AATK: variants seen among roughly 807,000 people sequenced by gnomAD.
AATK encodes the protein lemur tail kinase 1.
In AATK, 91 loss-of-function variants were observed where a neutral mutation model predicts 114.3. That is an observed-to-expected ratio of 0.80 (90% CI 0.67 to 0.95). The LOEUF (loss-of-function observed/expected upper bound fraction) is 0.95. Ranked by LOEUF, AATK falls within the 40% of genes least tolerant of loss-of-function variation. AATK has a pLI of 0.00. For missense variants in AATK, 2,176 were observed against 1,965.2 expected (o/e 1.11, Z -2.03); for synonymous variants, 1,075 against 916.5 (o/e 1.17, Z -3.12).
At chr17:81,133,744 G>A (rs182019675) in intron 2 of AATK, among the ~76,000 whole-genome samples, 5 of 152,292 alleles carry the variant, frequency 3.3e-5, no homozygotes, top group Admixed American at 3.3e-4. Context: ...CTTGGCACCT[G>A]TCCTTGGCCA....
intron 13 of AATK, 96 bp downstream of exon 13, chr17:81,119,284 G>A (rs1461825756): frequency 2.3e-6 from 3 of 1,312,186 alleles, no homozygotes; most frequent in Non-Finnish European, 3.0e-6. Context: ...AGCCGGGGCT[G>A]GCCCGGCCCA....
At chr17:81,125,351 C>G (rs776070034) in intron 7 of AATK, 3 of 667,124 alleles carry the variant, frequency 4.5e-6, no homozygotes, top group African/African-American at 3.5e-5. Context: ...CTCCAGGACC[C>G]TCTCCTCCTA....
chr17:81,142,809 G>A (rs762824488), intron 1 of AATK, among the ~76,000 whole-genome samples: 13 of 98,376 alleles, frequency 1.3e-4, no homozygotes, highest in African/African-American at 3.4e-4. Context: ...CCCTGTCCCC[G>A]TCCCCCAAAG....
rs2060690210 is a variant in AATK, at chr17:81,120,850, C to G, written c.3086G>C (p.Ser1029Thr). Residue 1029 changes from serine to threonine, a missense_variant, in exon 11 of 14, where the codon AGC (serine) becomes ACC (threonine). Transcript: ENST00000326724. The part of the protein sequence containing the change: ...RAPGPELGLP[S>T]TGQPSEQVCL... The stretch of plus-strand genomic sequence containing the variant: ...GACCTGCTCAGACGGCTGCCCAGTG[C>G]TCGGCAGGCCCAGCTCTGGCCCGGG... 3 of 1,578,988 alleles carry G rather than the reference C, an allele frequency of 1.9e-6. No individual in the cohort carries two copies. Among genetic ancestry groups the G allele is most frequent in the Non-Finnish European group, 2.6e-6 (3 of 1,162,746 alleles).
Position 81,120,462 on chromosome 17 carries a change from C to T in AATK, c.3474G>A (p.Pro1158=), listed in dbSNP as rs1201093653. ...PGLPAALEGR[P]EEEEEDSEDS... is the part of the protein sequence containing the mutation. ...CCTCACTGTCCTCCTCCTCCTCCTCCGGCCGGCCCTCCAAGGCCGCAGGGA... is the reference window on the plus strand; with the variant it reads ...CCTCACTGTCCTCCTCCTCCTCCTCTGGCCGGCCCTCCAAGGCCGCAGGGA... The change falls in exon 11 of 14, where the codon CCG becomes CCA. Residue 1158 remains proline (P), a synonymous_variant. Transcript: ENST00000326724. 14 of 1,542,108 alleles carry T rather than the reference C, an allele frequency of 9.1e-6. No homozygotes were observed. The highest frequency in any genetic ancestry group is 1.7e-4 in the Middle Eastern group (1 of 5,848).
chr17:81,151,478 G>A (rs2061298431), intron 1 of AATK, among the ~76,000 whole-genome samples: 1 of 152,090 alleles, frequency 6.6e-6, no homozygotes, highest in Non-Finnish European at 1.5e-5. Flanking sequence ...GGGGCAGCAG[G>A]CCACCTGACG....
At position 81,117,733 on chromosome 17, in the gene AATK, G is replaced by A. The variant is rs1035522789; in HGVS notation, c.*669C>T. Reference sequence around the variant, plus strand: ...GAAGCCCCTCCACCCCTGATCTTTTGGGCTGCCCACCGTGGCCACAGCGGG... The same window carrying A: ...GAAGCCCCTCCACCCCTGATCTTTTAGGCTGCCCACCGTGGCCACAGCGGG... On this transcript the variant is annotated 3_prime_UTR_variant, in exon 14 of 14. Transcript: ENST00000326724. The A allele has an allele frequency of 6.6e-6, 1 of 152,330 alleles. No individual in the cohort carries two copies. The highest frequency in any genetic ancestry group is 2.4e-5 in the African/African-American group (1 of 41,464). The allele number at this position is 152,330 out of a possible 1,614,324, so 9.4% of individuals were successfully genotyped here. A position where few individuals can be genotyped will look rare whatever the true frequency, so the allele number is the denominator to read the frequency against.
intron 1 of AATK, among the ~76,000 whole-genome samples, chr17:81,143,713 C>T (rs1461598792): frequency 6.6e-6 from 1 of 152,198 alleles, no homozygotes; most frequent in Non-Finnish European, 1.5e-5. Context: ...AGTCCAGGGG[C>T]CCCACGGTGG....
chr17:81,126,568 A>G lies in AATK; in HGVS notation c.622-8T>C, dbSNP rs2060828700. The G allele has an allele frequency of 6.5e-7, 1 of 1,536,172 alleles. No homozygotes were observed. Among genetic ancestry groups the G allele is most frequent in the Non-Finnish European group, 8.8e-7 (1 of 1,135,932 alleles). On this transcript the variant is annotated splice_polypyrimidine_tract_variant and splice_region_variant and intron_variant, in intron 6 of 13. Coordinates refer to ENST00000326724, the MANE Select transcript of AATK (RefSeq NM_001080395.3). The surrounding 1 kb of genome is among the most constrained non-coding windows in gnomAD (Gnocchi z 5.1). ...GTAGCCCTTGAGGTCCCCCTGCAGA[A>G]AGGGGGTGTGGCGCAGTCACCAGCA...
chr17:81,136,372 C>G (rs745463560), intron 1 of AATK: 1 of 152,412 alleles, frequency 6.6e-6, no homozygotes, highest in Non-Finnish European at 1.5e-5. Context: ...CCAGGAGGCC[C>G]GACCTCAGCC....
rs560788640 is a variant in AATK at position 81,130,100 on chromosome 17, C to G, written c.334+961G>C. Among the ~76,000 whole-genome samples, 20 of 152,362 alleles carry G rather than the reference C, an allele frequency of 1.3e-4. No individual in the cohort carries two copies. The South Asian group carries it at 3.9e-3, about 30-fold the overall frequency. On this transcript the variant is annotated intron_variant, in intron 3 of 13. Coordinates refer to ENST00000326724, the MANE Select transcript of AATK (RefSeq NM_001080395.3). ...TTCATAGCCAGCTCTCAGGGTCCAGCCAGGCACGGCTCAGAGCAGGTGAGG... is the reference window on the plus strand; with the variant it reads ...TTCATAGCCAGCTCTCAGGGTCCAGGCAGGCACGGCTCAGAGCAGGTGAGG...
chr17:81,132,086 G>C, intron 2 of AATK: 6 of 1,216,592 alleles, frequency 4.9e-6, no homozygotes, highest in Non-Finnish European at 6.5e-6. Context: ...CCCAAGTCCA[G>C]GGCACATTCC....
chr17:81,124,510 C>G (rs2060766252), intron 9 of AATK, among the ~76,000 whole-genome samples: 1 of 152,244 alleles, frequency 6.6e-6, no homozygotes. Context: ...GTACGTATGC[C>G]TTGACCCCAC....
intron 1 of AATK, among the ~76,000 whole-genome samples, chr17:81,142,953 G>T (rs546420896): frequency 5.8e-4 from 89 of 152,356 alleles, no homozygotes; most frequent in African/African-American, 2.0e-3. Context: ...GGGACTCTGG[G>T]CCACACACAG....
chr17:81,149,209 T>C (rs2061263345), intron 1 of AATK, among the ~76,000 whole-genome samples: 1 of 152,072 alleles, frequency 6.6e-6, no homozygotes, highest in Non-Finnish European at 1.5e-5. Context: ...CCTCCTCCCC[T>C]GAGCTGGTGC....
chr17:81,118,573 T>C, intron 13 of AATK, 131 bp from the exon 14 acceptor site: 1 of 925,990 alleles, frequency 1.1e-6, no homozygotes, highest in Non-Finnish European at 1.7e-6. Context: ...GATCTGGCTG[T>C]GTCTAGGTGA....
chr17:81,122,395 C>G lies in AATK; in HGVS notation c.1541G>C (p.Gly514Ala), dbSNP rs1333302050. Residue 514 changes from glycine (G) to alanine (A), a missense_variant, in exon 11 of 14, where the codon GGC (glycine) becomes GCC (alanine). Transcript: ENST00000326724. Reference sequence around the variant, plus strand: ...GTGCGCGCTGAGCACCGGAACCACGCCCGGGGGCGCGCCGTCGGGGGCGCA... The same window carrying G: ...GTGCGCGCTGAGCACCGGAACCACGGCCGGGGGCGCGCCGTCGGGGGCGCA... ...ELCAPDGAPP[G>A]VVPVLSAHSP... 2.7e-6 allele frequency: 4 copies of G among 1,476,826 alleles called. No homozygotes were observed. The African/African-American group carries it at 4.4e-5, about 16-fold the overall frequency. The allele number at this position is 1,476,826 out of a possible 1,614,324, so 91.5% of individuals were successfully genotyped here.
In AATK at chr17:81,121,794, G is replaced by A; in HGVS notation, c.2142C>T (p.Thr714=). The change falls in exon 11 of 14, where the codon ACC becomes ACT. Residue 714 remains threonine, a synonymous_variant. Coordinates refer to ENST00000326724, the MANE Select transcript of AATK (RefSeq NM_001080395.3). The part of the protein sequence containing the change: ...HAEGCPSPKQ[T]PRASPEPGYP... ...ACCCCGGCTCGGGGGAGGCCCGTGG[G>A]GTCTGCTTTGGACTGGGGCAGCCCT... 6.4e-7 allele frequency: 1 copy of A among 1,570,392 alleles called. No homozygotes were observed. Among genetic ancestry groups the A allele is most frequent in the East Asian group, 2.3e-5 (1 of 43,428 alleles).
chr17:81,130,551 A>C (rs2060914082), intron 3 of AATK, among the ~76,000 whole-genome samples: 1 of 151,970 alleles, frequency 6.6e-6, no homozygotes, highest in Non-Finnish European at 1.5e-5. Flanking sequence ...CCACCCGCCC[A>C]CACGGGCCCC....
Sources: gnomAD v4.1 joint callset for allele counts (sites outside exome capture counted in the v4.1 genomes callset) on GRCh38, gnomAD v4.1.1 for gene constraint, Gnocchi (gnomAD v3.1) non-coding constraint, MANE v1.5 for transcripts, NCBI Gene and HGNC (gene_info 2026-07-23, HGNC 2026-07-21) for gene names.